The following SLC28A1 variants were observed in gnomAD, a reference collection of about 807,000 sequenced individuals.
The protein encoded by SLC28A1 is sodium/nucleoside cotransporter 1.
In SLC28A1, 64 loss-of-function variants were observed where a neutral mutation model predicts 74.8. That is an observed-to-expected ratio of 0.86 (90% CI 0.70 to 1.05). The LOEUF (loss-of-function observed/expected upper bound fraction) is 1.05. Among genes scored for constraint, SLC28A1 ranks in the 50% least tolerant of loss-of-function variants. SLC28A1 has a pLI of 0.00. For synonymous variants in SLC28A1, 359 were observed against 335.0 expected (o/e 1.07, Z -0.78); for missense variants, 828 against 822.8 (o/e 1.01, Z -0.08).
At chr15:84,894,674 C>T (rs1473343055) in intron 5 of SLC28A1, among the ~76,000 whole-genome samples, 2 of 152,216 alleles carry the variant, frequency 1.3e-5, no homozygotes, top group African/African-American at 4.8e-5. Flanking sequence ...TCACGGCCTC[C>T]TTACACATCT....
At chr15:84,962,950 T>A in the SLC28A1 span, among the ~76,000 whole-genome samples, 1 of 152,018 alleles carries the variant, frequency 6.6e-6, no homozygotes, top group African/African-American at 2.4e-5. Context: ...TGACTCCAAA[T>A]CAGCAGAGCC....
intron 6 of SLC28A1, 183 bp downstream of exon 6, chr15:84,895,306 C>T: frequency 6.2e-7 from 1 of 1,601,670 alleles, no homozygotes; most frequent in East Asian, 2.2e-5. Context: ...GGTGTTTCAC[C>T]AGTTCTTAGT....
At chr15:84,910,587 G>A (rs1968027932) in intron 9 of SLC28A1, among the ~76,000 whole-genome samples, 1 of 152,186 alleles carries the variant, frequency 6.6e-6, no homozygotes, top group African/African-American at 2.4e-5. Context: ...AATTAGCCAA[G>A]TGTGGTGGTG....
chr15:84,934,888 T>C (rs1482774382), intron 13 of SLC28A1, 138 bp from the exon 14 acceptor site: 2 of 774,992 alleles, frequency 2.6e-6, no homozygotes, highest in East Asian at 5.1e-5. Flanking sequence ...AGCCCCTTTT[T>C]CTCTCTGGGT....
chr15:84,921,724 C>T lies in SLC28A1; in HGVS notation c.957+655C>T, dbSNP rs113115880. Reference sequence around the variant, plus strand: ...GAGAATATTTTTATCTTTTTTGCTACGGTGCATGTGTGTTGATTTGAAAGT... The same window carrying T: ...GAGAATATTTTTATCTTTTTTGCTATGGTGCATGTGTGTTGATTTGAAAGT... On this transcript the variant is annotated intron_variant, in intron 11 of 18. Transcript: ENST00000394573. Among the ~76,000 whole-genome samples, 289 of 152,182 alleles carry T rather than the reference C, an allele frequency of 1.9e-3. 1 individual carries two copies. Among genetic ancestry groups the T allele is most frequent in the East Asian group, 7.5e-3 (39 of 5,190 alleles).
intron 9 of SLC28A1, among the ~76,000 whole-genome samples, chr15:84,909,601 G>A (rs865945157): frequency 8.5e-5 from 13 of 152,160 alleles, no homozygotes; most frequent in Admixed American, 6.5e-5. Flanking sequence ...TTTAAGCACC[G>A]AAATGGCTTG....
At position 84,928,561 on chromosome 15, in the gene SLC28A1, T is replaced by TTGAGA. The variant is rs1567172043; in HGVS notation, c.1083+4451_1083+4452insTGAGA. Among the ~76,000 whole-genome samples the TTGAGA allele has an allele frequency of 1.9e-4, 5 of 26,706 alleles. 1 individual carries two copies. Among genetic ancestry groups the TTGAGA allele is most frequent in the African/African-American group, 7.7e-4 (4 of 5,222 alleles). 17.5% of individuals were successfully genotyped at this position (26,706 alleles called of 152,430 possible). A position where few individuals can be genotyped will look rare whatever the true frequency, so the allele number is the denominator to read the frequency against. On this transcript the variant is annotated intron_variant, in intron 12 of 18. Coordinates refer to ENST00000394573, the MANE Select transcript of SLC28A1 (RefSeq NM_004213.5). ...TTCTTTCTTTCTTTCTTTCTTTCTTTCTTTCTTTCTTTCTTTCTTTCTTTC... is the reference window on the plus strand; with the variant it reads ...TTCTTTCTTTCTTTCTTTCTTTCTTTTGAGACTTTCTTTCTTTCTTTCTTTCTTTC...
intron 10 of SLC28A1, 33 bp downstream of exon 10, chr15:84,918,637 C>G (rs1486338729): frequency 1.3e-6 from 2 of 1,486,488 alleles, no homozygotes; most frequent in Non-Finnish European, 1.9e-6. Flanking sequence ...CAGGGCTCTC[C>G]CAGAGTCACC....
Position 84,935,041 on chromosome 15 carries a change from CAT to C in SLC28A1, c.1232_1233del (p.Ile411ArgfsTer76). ...CCAACAACAGAGATGCTCAGAACCT[CAT>C]AGAAGCAGCCAGCACTGGGGCCGCC... ...KLTYGDAQNL[I>X]EAASTGAAIS... On this transcript the variant is annotated frameshift_variant, in exon 14 of 19. Transcript: ENST00000394573. LOFTEE classifies it high-confidence loss of function. 6.2e-7 allele frequency: 1 copy of C among 1,614,110 alleles called. No homozygotes were observed. The highest frequency in any genetic ancestry group is 8.5e-7 in the Non-Finnish European group (1 of 1,179,942).
At chr15:84,933,345 G>A (rs899233604) in intron 13 of SLC28A1, 70 bp downstream of exon 13, 64 of 1,551,194 alleles carry the variant, frequency 4.1e-5, no homozygotes, top group Admixed American at 1.8e-4. Flanking sequence ...AGAGGGTCCC[G>A]TTCTCTCTGT....
chr15:84,944,120 G>T (rs555323906), intron 16 of SLC28A1, among the ~76,000 whole-genome samples: 129 of 152,276 alleles, frequency 8.5e-4, no homozygotes, highest in African/African-American at 3.0e-3. Flanking sequence ...GGCCTGGTGG[G>T]GCCTAAGGTC....
chr15:84,952,417 C>A, the SLC28A1 span, among the ~76,000 whole-genome samples: 1 of 152,158 alleles, frequency 6.6e-6, no homozygotes, highest in Non-Finnish European at 1.5e-5. Flanking sequence ...TACACACTCT[C>A]CTACACGTCA....
chr15:84,933,092 C>T, intron 12 of SLC28A1, 53 bp from the exon 13 acceptor site: 13 of 1,605,652 alleles, frequency 8.1e-6, no homozygotes, highest in South Asian at 1.1e-5. Context: ...ACTCCTTGGT[C>T]GCCAGCATTT....
intron 1 of SLC28A1, among the ~76,000 whole-genome samples, chr15:84,885,248 C>G (rs573318410): frequency 6.6e-6 from 1 of 150,504 alleles, no homozygotes; most frequent in Non-Finnish European, 1.5e-5. Context: ...CATGAGCCAC[C>G]GTGCCCCCCC....
chr15:84,891,085 T>G (rs1020828042), intron 5 of SLC28A1, among the ~76,000 whole-genome samples: 4 of 152,064 alleles, frequency 2.6e-5, no homozygotes, highest in African/African-American at 9.7e-5. Context: ...GGGAGGATGC[T>G]CAAGGACTTG....
the SLC28A1 span, chr15:84,975,544 A>G: frequency 2.2e-6 from 1 of 456,150 alleles, no homozygotes; most frequent in Non-Finnish European, 4.4e-6. Flanking sequence ...AGCCCTGAGG[A>G]GTGTTTTCGT....
In SLC28A1 at chr15:84,944,737, C is replaced by T. The variant is rs1298085334; in HGVS notation, c.1763-19C>T. ...GCTAGCCCGGGGGCCCTGCCCCACC[C>T]ACCACTTTCCCTCTACAGGGATCCT... On this transcript the variant is annotated intron_variant, in intron 17 of 18. Transcript: ENST00000394573. 1.2e-6 allele frequency: 2 copies of T among 1,606,848 alleles called. No homozygotes were observed. Among genetic ancestry groups the T allele is most frequent in the Non-Finnish European group, 1.7e-6 (2 of 1,173,576 alleles).
At chr15:84,903,946 G>A in intron 6 of SLC28A1, 151 bp from the exon 7 acceptor site, 3 of 1,014,186 alleles carry the variant, frequency 3.0e-6, no homozygotes, top group Non-Finnish European at 4.5e-6. Context: ...CCAGCATGTG[G>A]TTCCAGAGCT....
intron 18 of SLC28A1, 91 bp from the exon 19 acceptor site, chr15:84,945,034 C>A: frequency 1.6e-6 from 2 of 1,258,992 alleles, no homozygotes; most frequent in Non-Finnish European, 1.2e-6. Context: ...GGACCAGAGA[C>A]TTGAAACAGT....
Sources: allele counts gnomAD v4.1 joint callset (sites outside exome capture counted in the v4.1 genomes callset), GRCh38; gene constraint gnomAD v4.1.1; transcripts MANE v1.5; gene names NCBI Gene and HGNC (gene_info 2026-07-23, HGNC 2026-07-21).